The following ADGRG7 variants were observed in gnomAD, a reference collection of about 807,000 sequenced individuals.
ADGRG7 encodes G-protein coupled receptor 128.
In ADGRG7, 82 loss-of-function variants were observed where a neutral mutation model predicts 88.6. The observed-to-expected ratio is 0.93, with a 90% CI of 0.77 to 1.11. The LOEUF (loss-of-function observed/expected upper bound fraction) is 1.11, where lower values mean the gene tolerates loss of function less well. ADGRG7 is among the 50% of genes most tolerant of loss of function. The pLI, the probability that ADGRG7 is intolerant of heterozygous loss-of-function variation, is 0.00. For synonymous variants in ADGRG7, 381 were observed against 345.2 expected (o/e 1.10, Z -1.15); for missense variants, 945 against 953.4 (o/e 0.99, Z 0.12).
At position 100,635,034 on chromosome 3, in the gene ADGRG7, C is replaced by CACACACACAT. The variant is rs1275924321; in HGVS notation, c.448-637_448-636insACATACACAC. Among the ~76,000 whole-genome samples the CACACACACAT allele has an allele frequency of 3.1e-3, 469 of 150,100 alleles. 3 individuals are homozygous for CACACACACAT. Among genetic ancestry groups the CACACACACAT allele is most frequent in the Non-Finnish European group, 4.7e-3 (317 of 67,366 alleles). ...ACACACACACACACACACACATACACACACACGTGCGCGCGCATGGACACC... is the reference window on the plus strand; with the variant it reads ...ACACACACACACACACACACATACACACACACACATACACACGTGCGCGCGCATGGACACC... On this transcript the variant is annotated intron_variant, in intron 4 of 15. Coordinates refer to ENST00000273352, the MANE Select transcript of ADGRG7 (RefSeq NM_032787.3).
intron 1 of ADGRG7, among the ~76,000 whole-genome samples, chr3:100,620,259 C>CA (rs1346466704): frequency 6.6e-6 from 1 of 152,150 alleles, no homozygotes; most frequent in African/African-American, 2.4e-5. Context: ...TCAACATACG[C>CA]AAATCAATAA....
rs151297846 is a variant in ADGRG7 at position 100,618,909 on chromosome 3, G to A, written c.115+8938G>A. On this transcript the variant is annotated intron_variant, in intron 1 of 15. Coordinates refer to ENST00000273352, the MANE Select transcript of ADGRG7 (RefSeq NM_032787.3). Reference sequence around the variant, plus strand: ...TTATTTCACTGAGTAGTGGTTTGTAGTTCTCCTTGAAGAGGTCCTTCACGT... The same window carrying A: ...TTATTTCACTGAGTAGTGGTTTGTAATTCTCCTTGAAGAGGTCCTTCACGT... Among the ~76,000 whole-genome samples the A allele has an allele frequency of 2.5e-3, 387 of 152,194 alleles. 2 individuals are homozygous for A. Among genetic ancestry groups the A allele is most frequent in the African/African-American group, 8.8e-3 (367 of 41,520 alleles).
At chr3:100,619,406 C>A (rs980199350) in intron 1 of ADGRG7, among the ~76,000 whole-genome samples, 2 of 152,162 alleles carry the variant, frequency 1.3e-5, no homozygotes, top group African/African-American at 2.4e-5. Flanking sequence ...ACATTCAAAG[C>A]AGTGTGTAGA....
chr3:100,682,037 G>A (rs1249420465), intron 15 of ADGRG7, among the ~76,000 whole-genome samples: 1 of 152,208 alleles, frequency 6.6e-6, no homozygotes, highest in Non-Finnish European at 1.5e-5. Flanking sequence ...GCCAGCGGCA[G>A]CCCATCTGAA....
chr3:100,660,278 A>G (rs1259462667), intron 14 of ADGRG7, among the ~76,000 whole-genome samples: 1 of 152,142 alleles, frequency 6.6e-6, no homozygotes, highest in African/African-American at 2.4e-5. Context: ...GAATTACACA[A>G]TAGCACTAAA....
intron 15 of ADGRG7, among the ~76,000 whole-genome samples, chr3:100,670,495 A>G (rs2449249): frequency 0.83 from 126,893 of 152,190 alleles, 56,548 homozygotes; most frequent in Non-Finnish European, 0.99. Context: ...TTTCTTTGAT[A>G]TACTGATTTC....
chr3:100,637,703 A>G (rs528558477), intron 6 of ADGRG7: 10 of 307,968 alleles, frequency 3.2e-5, no homozygotes, highest in African/African-American at 2.2e-4. Context: ...GACAACTTCC[A>G]TGCACAGCAA....
chr3:100,687,431 C>G (rs9873369), intron 15 of ADGRG7, among the ~76,000 whole-genome samples: 5,712 of 151,816 alleles, frequency 0.038, 344 homozygotes, highest in African/African-American at 0.13. Context: ...GGAGTGGTGA[C>G]AGAGGGCATC....
intron 4 of ADGRG7, chr3:100,635,428 C>A (rs888112420): frequency 1.7e-6 from 1 of 575,874 alleles, no homozygotes; most frequent in Non-Finnish European, 2.6e-6. Flanking sequence ...ACTCTAGTAG[C>A]CCCAATCTAG....
rs530355693 is a variant in ADGRG7 at position 100,671,988 on chromosome 3, G to A, written c.2136+2883G>A. On this transcript the variant is annotated intron_variant, in intron 15 of 15. Coordinates refer to ENST00000273352, the MANE Select transcript of ADGRG7 (RefSeq NM_032787.3). ...GTAGCATAGTTTGAAGTCAGGTAGC[G>A]TGATGCCTCCAGCTTTGTTCTTTTT... Among the ~76,000 whole-genome samples the A allele has an allele frequency of 1.0e-3, 159 of 152,222 alleles. 1 individual carries two copies. The highest frequency in any genetic ancestry group is 2.4e-3 in the Admixed American group (36 of 15,290).
At chr3:100,643,754 A>C (rs747340232) in intron 8 of ADGRG7, 121 bp downstream of exon 8, 1 of 634,210 alleles carries the variant, frequency 1.6e-6, no homozygotes, top group East Asian at 2.8e-5. Context: ...TTTGCATTTG[A>C]GTAAGTTTGA....
chr3:100,674,871 C>T (rs2094963010), intron 15 of ADGRG7, among the ~76,000 whole-genome samples: 5 of 152,168 alleles, frequency 3.3e-5, no homozygotes, highest in Admixed American at 3.3e-4. Context: ...GCCACTGTGC[C>T]CAGCCCTTAA....
intron 15 of ADGRG7, among the ~76,000 whole-genome samples, chr3:100,689,704 C>T (rs1050020565): frequency 6.6e-6 from 1 of 152,148 alleles, no homozygotes; most frequent in East Asian, 1.9e-4. Flanking sequence ...ATATTGGCCC[C>T]CACTCTCTTC....
At chr3:100,639,289 C>T (rs1375321981) in intron 6 of ADGRG7, among the ~76,000 whole-genome samples, 1 of 152,098 alleles carries the variant, frequency 6.6e-6, no homozygotes, top group Non-Finnish European at 1.5e-5. Flanking sequence ...CATTCTGGTA[C>T]ATAATCTTTA....
intron 15 of ADGRG7, among the ~76,000 whole-genome samples, chr3:100,688,065 G>A (rs1227843929): frequency 6.6e-6 from 1 of 152,090 alleles, no homozygotes; most frequent in Non-Finnish European, 1.5e-5. Flanking sequence ...GCCTGTTATT[G>A]GTCTATTCAG....
At chr3:100,678,680 C>A (rs543103972) in intron 15 of ADGRG7, among the ~76,000 whole-genome samples, 112 of 152,200 alleles carry the variant, frequency 7.4e-4, no homozygotes, top group Admixed American at 1.3e-3. Context: ...AGTCCAGTAA[C>A]CTTGTGGCTC....
chr3:100,639,537 G>GA (rs1215550918), intron 6 of ADGRG7, among the ~76,000 whole-genome samples: 4 of 152,196 alleles, frequency 2.6e-5, no homozygotes, highest in Non-Finnish European at 5.9e-5. Context: ...TTCTCATGGA[G>GA]AATGTGGATG....
chr3:100,620,817 A>T lies in ADGRG7; in HGVS notation c.116-8781A>T, dbSNP rs2149013230. Among the ~76,000 whole-genome samples, 3 of 150,364 alleles carry T rather than the reference A, an allele frequency of 2.0e-5. No homozygotes were observed. In the Admixed American group the frequency reaches 2.0e-4, roughly 10 times the overall value. ...ATACAGACACACCTTGTTTTATTGCACATCATAGGTATTATGTTTTTTTTT... is the reference window on the plus strand; with the variant it reads ...ATACAGACACACCTTGTTTTATTGCTCATCATAGGTATTATGTTTTTTTTT... On this transcript the variant is annotated intron_variant, in intron 1 of 15. Transcript: ENST00000273352.
Position 100,609,833 on chromosome 3 carries a change from G to C in ADGRG7, c.-24G>C. 8.3e-6 allele frequency: 13 copies of C among 1,556,982 alleles called. No homozygotes were observed. Among genetic ancestry groups the C allele is most frequent in the Non-Finnish European group, 1.1e-5 (12 of 1,128,456 alleles). The stretch of plus-strand genomic sequence containing the variant: ...GAAGCTAGTTATTTCTCACCCAGGA[G>C]TGGATTTGTGGTTTGGCTTCACCAT... On this transcript the variant is annotated 5_prime_UTR_variant, in exon 1 of 16. Transcript: ENST00000273352.
Sources: gnomAD v4.1 joint callset for allele counts (sites outside exome capture counted in the v4.1 genomes callset) on GRCh38, gnomAD v4.1.1 for gene constraint, MANE v1.5 for transcripts, NCBI Gene and HGNC (gene_info 2026-07-23, HGNC 2026-07-21) for gene names.